FAM174A: variants seen among roughly 807,000 people sequenced by gnomAD.
FAM174A encodes family with sequence similarity 174 member A.
In FAM174A, 14 loss-of-function variants were observed where a neutral mutation model predicts 14.3. The ratio of observed to expected loss-of-function variants is 0.98; its 90% CI spans 0.65 to 1.53. The LOEUF is 1.53. FAM174A is among the 40% of genes most tolerant of loss of function. The probability of loss-of-function intolerance (pLI) is 0.00; values close to 1 mark genes in which losing one functional copy is unlikely to be tolerated. For synonymous variants in FAM174A, 108 were observed against 111.4 expected, an observed-to-expected ratio of 0.97 and a Z score of 0.19; for missense variants, 241 against 249.6, an observed-to-expected ratio of 0.97 and a Z score of 0.23.
chr5:100,559,089 C>A (rs1746464752), intron 1 of FAM174A, among the ~76,000 whole-genome samples: 1 of 152,112 alleles, frequency 6.6e-6, no homozygotes, highest in Non-Finnish European at 1.5e-5. Flanking sequence ...TTGTTCCTTT[C>A]CATGTTTAGT....
At chr5:100,583,852 AT>A (rs1372597959) in intron 2 of FAM174A, among the ~76,000 whole-genome samples, 1 of 152,116 alleles carries the variant, frequency 6.6e-6, no homozygotes, top group Non-Finnish European at 1.5e-5. Context: ...CTCTATTGGG[AT>A]CTCTTCCATA....
chr5:100,564,902 T>C (rs1746608064), intron 2 of FAM174A, among the ~76,000 whole-genome samples: 1 of 151,782 alleles, frequency 6.6e-6, no homozygotes, highest in Non-Finnish European at 1.5e-5. Flanking sequence ...AACAAAGAAA[T>C]GTCCAAGACC....
At chr5:100,538,937 A>G (rs1745996139) in intron 1 of FAM174A, among the ~76,000 whole-genome samples, 1 of 152,172 alleles carries the variant, frequency 6.6e-6, no homozygotes, top group East Asian at 1.9e-4. Context: ...ATATAAAGCA[A>G]TTTTTGTCAT....
chr5:100,537,415 T>C (rs1745962852), intron 1 of FAM174A, among the ~76,000 whole-genome samples: 2 of 152,204 alleles, frequency 1.3e-5, no homozygotes, highest in South Asian at 4.1e-4. Flanking sequence ...ACTTGTAATG[T>C]GTTTACTATT....
chr5:100,578,068 G>A (rs1746937027), intron 2 of FAM174A, among the ~76,000 whole-genome samples: 1 of 152,042 alleles, frequency 6.6e-6, no homozygotes, highest in Admixed American at 6.6e-5. Context: ...CTGTTTGTTT[G>A]TAGAAGAAAT....
chr5:100,556,442 T>C (rs966639013), intron 1 of FAM174A, among the ~76,000 whole-genome samples: 32 of 152,186 alleles, frequency 2.1e-4, no homozygotes, highest in African/African-American at 7.7e-4. Flanking sequence ...TTTGGTTCCA[T>C]ATGAACTTTA....
intron 2 of FAM174A, among the ~76,000 whole-genome samples, chr5:100,565,929 T>C (rs910626141): frequency 6.0e-5 from 9 of 151,228 alleles, no homozygotes; most frequent in Admixed American, 4.6e-4. Flanking sequence ...AGAGCATGTG[T>C]AGGGGAACCA....
chr5:100,540,493 C>G (rs1175506706), intron 1 of FAM174A, among the ~76,000 whole-genome samples: 1 of 152,068 alleles, frequency 6.6e-6, no homozygotes, highest in Non-Finnish European at 1.5e-5. Flanking sequence ...TTTAGCTAGT[C>G]AGTGTATATC....
In FAM174A at chr5:100,559,567, C is replaced by CA. The variant is rs985418243; in HGVS notation, c.435-2486dup. 3.6e-4 allele frequency among the ~76,000 whole-genome samples: 54 copies of CA among 152,086 alleles called. 1 individual carries two copies. The highest frequency in any genetic ancestry group is 1.3e-3 in the African/African-American group (52 of 41,426). On this transcript the variant is annotated intron_variant, in intron 1 of 2. Coordinates refer to ENST00000312637, the MANE Select transcript of FAM174A (RefSeq NM_198507.3). Reference sequence around the variant, plus strand: ...TTTTCCAACTTGGTTCCATCCTCCCCATCACTTTCAGGTACACCAATCAGA... The same window carrying CA: ...TTTTCCAACTTGGTTCCATCCTCCCCAATCACTTTCAGGTACACCAATCAGA...
At chr5:100,557,854 G>T (rs1746427351) in intron 1 of FAM174A, among the ~76,000 whole-genome samples, 1 of 151,976 alleles carries the variant, frequency 6.6e-6, no homozygotes, top group African/African-American at 2.4e-5. Flanking sequence ...CTTGCTAGCA[G>T]TCTATCAATT....
At chr5:100,581,726 G>A (rs2112406289) in intron 2 of FAM174A, among the ~76,000 whole-genome samples, 1 of 152,320 alleles carries the variant, frequency 6.6e-6, no homozygotes, top group African/African-American at 2.4e-5. Context: ...GGTTCCTACA[G>A]TAGCCCCTGA....
At chr5:100,555,805 T>A (rs1032247646) in intron 1 of FAM174A, among the ~76,000 whole-genome samples, 1 of 152,018 alleles carries the variant, frequency 6.6e-6, no homozygotes, top group Non-Finnish European at 1.5e-5. Flanking sequence ...TTCTTTGAGT[T>A]TTTTTCTTTT....
intron 1 of FAM174A, among the ~76,000 whole-genome samples, chr5:100,557,419 A>C (rs1746414763): frequency 6.6e-6 from 1 of 152,236 alleles, no homozygotes; most frequent in South Asian, 2.1e-4. Context: ...TGTCTCTGCC[A>C]GGCTTTGGTA....
At chr5:100,582,430 A>T (rs1747038993) in intron 2 of FAM174A, among the ~76,000 whole-genome samples, 1 of 152,010 alleles carries the variant, frequency 6.6e-6, no homozygotes, top group South Asian at 2.1e-4. Context: ...GTTATTGATG[A>T]TTATAAAGGA....
At chr5:100,552,506 G>A (rs749629702) in intron 1 of FAM174A, among the ~76,000 whole-genome samples, 1 of 151,900 alleles carries the variant, frequency 6.6e-6, no homozygotes, top group East Asian at 1.9e-4. Context: ...AATCAAATCA[G>A]GTAGATACAG....
intron 2 of FAM174A, among the ~76,000 whole-genome samples, chr5:100,576,242 A>G (rs144890601): frequency 1.3e-4 from 20 of 152,294 alleles, no homozygotes; most frequent in Middle Eastern, 3.4e-3. Context: ...TAAATTTCCT[A>G]AAGGAAGTGT....
chr5:100,575,421 GC>G (rs1746882029), intron 2 of FAM174A, among the ~76,000 whole-genome samples: 1 of 151,934 alleles, frequency 6.6e-6, no homozygotes, highest in South Asian at 2.1e-4. Context: ...CGCATAACAG[GC>G]CCCAGTGTGT....
chr5:100,581,003 A>G (rs996295072), intron 2 of FAM174A, among the ~76,000 whole-genome samples: 2 of 152,130 alleles, frequency 1.3e-5, no homozygotes, highest in Non-Finnish European at 2.9e-5. Flanking sequence ...ATCTCAGCTC[A>G]CTGCAACCTC....
intron 1 of FAM174A, 152 bp downstream of exon 1, chr5:100,536,116 T>C: frequency 1.4e-6 from 1 of 694,528 alleles, no homozygotes; most frequent in Admixed American, 3.4e-5. Flanking sequence ...AAAGGCCTGT[T>C]ACCTTTGGAG....
Sources: allele counts gnomAD v4.1 joint callset (sites outside exome capture counted in the v4.1 genomes callset), GRCh38; gene constraint gnomAD v4.1.1; transcripts MANE v1.5; gene names NCBI Gene and HGNC (gene_info 2026-07-23, HGNC 2026-07-21).